ADGRA3: variants seen among roughly 807,000 people sequenced by gnomAD.
ADGRA3 encodes the protein adhesion G protein-coupled receptor A3, also known as G-protein coupled receptor 125.
ADGRA3 carries 56 observed loss-of-function variants against 119.8 expected under a neutral mutation model. The ratio of observed to expected loss-of-function variants is 0.47; its 90% confidence interval spans 0.38 to 0.58. The LOEUF (loss-of-function observed/expected upper bound fraction) is 0.58. Among genes scored for constraint, ADGRA3 ranks in the 20% least tolerant of loss-of-function variants. The pLI is 0.00. For synonymous variants in ADGRA3, 607 were observed against 623.8 expected, an observed-to-expected ratio of 0.97 and a Z score of 0.40; for missense variants, 1,516 against 1,649.0, an observed-to-expected ratio of 0.92 and a Z score of 1.40.
intron 1 of ADGRA3, among the ~76,000 whole-genome samples, chr4:22,489,315 G>A (rs1198600787): frequency 6.6e-6 from 1 of 152,024 alleles, no homozygotes; most frequent in Non-Finnish European, 1.5e-5. Context: ...TGAAAATTAT[G>A]GGAGCTATAC....
intron 3 of ADGRA3, among the ~76,000 whole-genome samples, chr4:22,458,522 A>G (rs1415475956): frequency 1.3e-5 from 2 of 152,096 alleles, no homozygotes; most frequent in Non-Finnish European, 2.9e-5. Context: ...ACTCCTCGAG[A>G]GCTTCCTGAT....
Position 22,389,973 on chromosome 4 carries a change from T to C in ADGRA3, c.2628-790A>G, listed in dbSNP as rs114679907. ...GGGTGGATAAAGGCAATATCTCTGA[T>C]ACATTTGTCCATATATTGTTTCTTC... is the stretch of plus-strand genomic sequence containing the variant. On this transcript the variant is annotated intron_variant, in intron 17 of 18. Coordinates refer to ENST00000334304, the MANE Select transcript of ADGRA3 (RefSeq NM_145290.4). 8.0e-3 allele frequency among the ~76,000 whole-genome samples: 1,223 copies of C among 152,282 alleles called. 10 individuals are homozygous for C. The highest frequency in any genetic ancestry group is 0.013 in the Non-Finnish European group (913 of 68,018).
At chr4:22,421,881 C>CCAAAAAAAAAAAAAA (rs767609157) in intron 11 of ADGRA3, among the ~76,000 whole-genome samples, 6 of 70,440 alleles carry the variant, frequency 8.5e-5, no homozygotes, top group African/African-American at 3.8e-4. Flanking sequence ...ACTCAGTCTC[C>CCAAAAAAAAAAAAAA]AAAAAAAAAA....
At chr4:22,393,822 C>T (rs991657183) in intron 16 of ADGRA3, 20 of 152,136 alleles carry the variant, frequency 1.3e-4, no homozygotes, top group African/African-American at 4.6e-4. Flanking sequence ...TCAATCGCCA[C>T]CTCTAGGGGT....
chr4:22,431,959 CA>C (rs1042071113), intron 10 of ADGRA3, among the ~76,000 whole-genome samples: 5 of 151,892 alleles, frequency 3.3e-5, no homozygotes, highest in Admixed American at 3.3e-4. Flanking sequence ...GGTTTCATTA[CA>C]TATCATTTCA....
Position 22,515,557 on chromosome 4 carries a change from T to TG in ADGRA3, c.227dup (p.Asp77ArgfsTer14). The TG allele has an allele frequency of 6.2e-7, 1 of 1,604,882 alleles. No individual in the cohort carries two copies. Among genetic ancestry groups the TG allele is most frequent in the Non-Finnish European group, 8.5e-7 (1 of 1,175,730 alleles). On this transcript the variant is annotated frameshift_variant, in exon 1 of 19. Transcript: ENST00000334304. LOFTEE classifies it high-confidence loss of function. Reference sequence around the variant, plus strand: ...TGACCGTGCGGTTGGGCAGAGTATCTGGGGGCAGGACCTGCGCGAGTTCCA... The same window carrying TG: ...TGACCGTGCGGTTGGGCAGAGTATCTGGGGGGCAGGACCTGCGCGAGTTCCA...
intron 17 of ADGRA3, among the ~76,000 whole-genome samples, chr4:22,390,752 A>T (rs1355156834): frequency 6.6e-6 from 1 of 152,062 alleles, no homozygotes; most frequent in Non-Finnish European, 1.5e-5. Flanking sequence ...TCTAATGCAA[A>T]GAGGATACTT....
At chr4:22,413,545 C>A in intron 13 of ADGRA3, 56 bp downstream of exon 13, 1 of 1,502,450 alleles carries the variant, frequency 6.7e-7, no homozygotes. Flanking sequence ...TAGGAACAGT[C>A]AACTACAAGG....
chr4:22,485,728 GGA>G (rs1718413714), intron 1 of ADGRA3, among the ~76,000 whole-genome samples: 3 of 152,202 alleles, frequency 2.0e-5, no homozygotes, highest in Non-Finnish European at 4.4e-5. Flanking sequence ...CCGTGGAGAT[GGA>G]GACACAAAAG....
At chr4:22,497,749 A>G (rs1371662597) in intron 1 of ADGRA3, among the ~76,000 whole-genome samples, 3 of 118,264 alleles carry the variant, frequency 2.5e-5, no homozygotes, top group African/African-American at 3.4e-5. Flanking sequence ...AGATCGCATC[A>G]TTGCTGTCTC....
At chr4:22,393,818 G>A (rs144776930) in intron 16 of ADGRA3, 8 of 152,192 alleles carry the variant, frequency 5.3e-5, no homozygotes, top group African/African-American at 1.9e-4. Flanking sequence ...ATTATCAATC[G>A]CCACCTCTAG....
intron 7 of ADGRA3, among the ~76,000 whole-genome samples, chr4:22,440,828 G>A (rs571630485): frequency 6.6e-6 from 1 of 152,176 alleles, no homozygotes; most frequent in South Asian, 2.1e-4. Flanking sequence ...CATATGTATA[G>A]GCATGTGAAA....
In ADGRA3 at chr4:22,387,638, G is replaced by A. The variant is rs761372524; in HGVS notation, c.*67C>T. 242 of 1,457,484 alleles carry A rather than the reference G, an allele frequency of 1.7e-4. No individual in the cohort carries two copies. Among genetic ancestry groups the A allele is most frequent in the Middle Eastern group, 2.4e-4 (1 of 4,204 alleles). 90.3% of individuals were successfully genotyped at this position (1,457,484 alleles called of 1,614,324 possible). A position where few individuals can be genotyped will look rare whatever the true frequency, so the allele number is the denominator to read the frequency against. On this transcript the variant is annotated 3_prime_UTR_variant, in exon 19 of 19. Transcript: ENST00000334304. ...TGGTGGCTGTAAACAGTTTTTAAAT[G>A]CTCATAGCTTCAAGGAATGTGAGTA... is the stretch of plus-strand genomic sequence containing the variant.
At chr4:22,452,030 C>T (rs533429054) in intron 4 of ADGRA3, among the ~76,000 whole-genome samples, 2 of 152,322 alleles carry the variant, frequency 1.3e-5, no homozygotes, top group South Asian at 4.1e-4. Context: ...CCATGCAAAA[C>T]ATTTAAAGTT....
chr4:22,406,800 T>C (rs1348826692), intron 14 of ADGRA3, among the ~76,000 whole-genome samples: 1 of 152,104 alleles, frequency 6.6e-6, no homozygotes, highest in Non-Finnish European at 1.5e-5. Context: ...GTAAACATTG[T>C]AGACTTTGGG....
intron 3 of ADGRA3, chr4:22,455,897 A>C: frequency 9.9e-7 from 1 of 1,007,318 alleles, no homozygotes; most frequent in Non-Finnish European, 1.4e-6. Flanking sequence ...AAGTTTTATT[A>C]GTTGCTAGAC....
At chr4:22,399,325 A>G (rs1256508245) in intron 16 of ADGRA3, among the ~76,000 whole-genome samples, 1 of 152,136 alleles carries the variant, frequency 6.6e-6, no homozygotes, top group Non-Finnish European at 1.5e-5. Context: ...CAGCTTCTTT[A>G]AGGGCTCTTG....
chr4:22,501,375 A>G (rs917478026), intron 1 of ADGRA3, among the ~76,000 whole-genome samples: 1 of 152,208 alleles, frequency 6.6e-6, no homozygotes, highest in Admixed American at 6.5e-5. Context: ...GTTTTACTTT[A>G]CTATCCAGCA....
At chr4:22,417,107 T>C (rs557163585) in intron 12 of ADGRA3, among the ~76,000 whole-genome samples, 20 of 152,356 alleles carry the variant, frequency 1.3e-4, no homozygotes, top group African/African-American at 4.8e-4. Flanking sequence ...GATGCTATAA[T>C]ATCTCCTAAT....
Sources: allele counts gnomAD v4.1 joint callset (sites outside exome capture counted in the v4.1 genomes callset), GRCh38; gene constraint gnomAD v4.1.1; transcripts MANE v1.5; gene names NCBI Gene and HGNC (gene_info 2026-07-23, HGNC 2026-07-21).